The following HSD17B3 variants were observed in gnomAD, a reference collection of about 807,000 sequenced individuals.
HSD17B3 encodes the protein hydroxysteroid 17-beta dehydrogenase 3.
HSD17B3 carries 29 observed loss-of-function variants against 41.1 expected under a neutral mutation model. The ratio of observed to expected loss-of-function variants is 0.71; its 90% confidence interval spans 0.53 to 0.96. The LOEUF (loss-of-function observed/expected upper bound fraction) is 0.96, where lower values mean the gene tolerates loss of function less well. HSD17B3 is among the 40% of genes least tolerant of loss of function. The probability of loss-of-function intolerance (pLI) is 0.00; values close to 1 mark genes in which losing one functional copy is unlikely to be tolerated. For missense variants in HSD17B3, 323 were observed against 374.6 expected (o/e 0.86, Z 1.14); for synonymous variants, 126 against 145.6 (o/e 0.87, Z 0.97).
intron 2 of HSD17B3, among the ~76,000 whole-genome samples, chr9:96,273,759 C>T (rs1826349954): frequency 6.6e-6 from 1 of 152,146 alleles, no homozygotes; most frequent in African/African-American, 2.4e-5. Context: ...TACCAAGACC[C>T]CACAATCTTT....
chr9:96,279,384 ATT>A (rs1164720346), intron 2 of HSD17B3, among the ~76,000 whole-genome samples: 1 of 152,198 alleles, frequency 6.6e-6, no homozygotes, highest in Non-Finnish European at 1.5e-5. Flanking sequence ...TCATAGGTGG[ATT>A]CAAAGATTTC....
Position 96,245,261 on chromosome 9 carries a change from A to G in HSD17B3, c.606+84T>C, listed in dbSNP as rs1214081589. On this transcript the variant is annotated intron_variant, in intron 8 of 10. Transcript: ENST00000375263. ...CATCTCCAGGTAAACCTTTCCATCAACTTGCCAGATGATCAAAGGAAATTG... is the reference window on the plus strand; with the variant it reads ...CATCTCCAGGTAAACCTTTCCATCAGCTTGCCAGATGATCAAAGGAAATTG... 51 of 1,045,650 alleles carry G rather than the reference A, an allele frequency of 4.9e-5. No homozygotes were observed. In the East Asian group the frequency reaches 1.1e-3, roughly 23 times the overall value. 64.8% of individuals were successfully genotyped at this position (1,045,650 alleles called of 1,614,324 possible).
intron 2 of HSD17B3, among the ~76,000 whole-genome samples, chr9:96,281,809 A>G (rs980751546): frequency 2.0e-5 from 3 of 152,176 alleles, no homozygotes; most frequent in Admixed American, 1.3e-4. Context: ...CGTTGCTGCA[A>G]TGGGTGGTTT....
rs10524217 is a variant in HSD17B3, at chr9:96,236,514, C to CATAAATAAATAAATAAATAA, written c.823-964_823-945dup. Among the ~76,000 whole-genome samples, 67 of 137,176 alleles carry CATAAATAAATAAATAAATAA rather than the reference C, an allele frequency of 4.9e-4. 1 individual carries two copies. The highest frequency in any genetic ancestry group is 1.6e-3 in the African/African-American group (56 of 35,888). 90.0% of individuals were successfully genotyped at this position (137,176 alleles called of 152,430 possible). A position where few individuals can be genotyped will look rare whatever the true frequency, so the allele number is the denominator to read the frequency against. On this transcript the variant is annotated intron_variant, in intron 10 of 10. Transcript: ENST00000375263. ...CCTGGGTGACAGAGCGAGAGTCTGT[C>CATAAATAAATAAATAAATAA]ATAAATAAATAAATAAATAAATAAA...
intron 2 of HSD17B3, among the ~76,000 whole-genome samples, chr9:96,279,478 G>A (rs942185943): frequency 8.5e-5 from 13 of 152,112 alleles, no homozygotes; most frequent in African/African-American, 2.7e-4. Context: ...AAGAGATTGT[G>A]GAGACCAAGG....
At chr9:96,273,233 GTAC>G (rs1406860227) in intron 2 of HSD17B3, among the ~76,000 whole-genome samples, 1 of 152,250 alleles carries the variant, frequency 6.6e-6, no homozygotes, top group African/African-American at 2.4e-5. Flanking sequence ...TCTCTCTATA[GTAC>G]TATGAGATCT....
chr9:96,243,941 C>T (rs1836552295), intron 9 of HSD17B3, among the ~76,000 whole-genome samples: 1 of 152,194 alleles, frequency 6.6e-6, no homozygotes, highest in South Asian at 2.1e-4. Flanking sequence ...TTTGCTTCTT[C>T]TCCAGAATTC....
At chr9:96,251,387 G>A (rs1380900762) in intron 5 of HSD17B3, 31 bp downstream of exon 5, 1 of 1,593,644 alleles carries the variant, frequency 6.3e-7, no homozygotes, top group African/African-American at 1.3e-5. Flanking sequence ...CTGGATAAGA[G>A]GAATCTATAC....
At chr9:96,237,225 A>G (rs1024536570) in intron 10 of HSD17B3, among the ~76,000 whole-genome samples, 2 of 152,200 alleles carry the variant, frequency 1.3e-5, no homozygotes, top group African/African-American at 4.8e-5. Flanking sequence ...TTACAATTCC[A>G]GCCCCCTTTA....
At chr9:96,300,741 G>C (rs1290888503) in intron 1 of HSD17B3, among the ~76,000 whole-genome samples, 1 of 152,034 alleles carries the variant, frequency 6.6e-6, no homozygotes, top group Non-Finnish European at 1.5e-5. Context: ...TTCAGTCATA[G>C]GGCTGAAGTT....
intron 2 of HSD17B3, among the ~76,000 whole-genome samples, chr9:96,272,377 C>CTCTCTCTT (rs1826278997): frequency 5.5e-5 from 1 of 18,184 alleles, no homozygotes; most frequent in Non-Finnish European, 1.1e-4. Context: ...GACTGCATCT[C>CTCTCTCTT]TCTCTCTCTC....
rs1196188289 is a variant in HSD17B3, at chr9:96,265,715, C to T, written c.202-10772G>A. Among the ~76,000 whole-genome samples the T allele has an allele frequency of 7.2e-5, 11 of 152,014 alleles. No individual in the cohort carries two copies. The South Asian group carries it at 1.7e-3, about 23-fold the overall frequency. ...AAATAAGTATTACTAGAAATAAAAA[C>T]GAGTTAAAAGGCTAAATTTATCAGG... is the stretch of plus-strand genomic sequence containing the variant. On this transcript the variant is annotated intron_variant, in intron 2 of 10. Transcript: ENST00000375263.
At chr9:96,277,419 G>C (rs145833554) in intron 2 of HSD17B3, among the ~76,000 whole-genome samples, 83 of 152,236 alleles carry the variant, frequency 5.5e-4, no homozygotes, top group African/African-American at 1.9e-3. Flanking sequence ...GATGTAAATA[G>C]ACATTTTTCA....
chr9:96,251,570 G>A (rs987249074), intron 4 of HSD17B3, 85 bp from the exon 5 acceptor site: 67 of 1,259,514 alleles, frequency 5.3e-5, no homozygotes, highest in South Asian at 1.8e-4. Context: ...AGATTGACAT[G>A]TAAGGTTGTT....
chr9:96,246,110 G>T (rs964851963), intron 7 of HSD17B3, among the ~76,000 whole-genome samples: 1 of 152,140 alleles, frequency 6.6e-6, no homozygotes, highest in African/African-American at 2.4e-5. Flanking sequence ...ACTCCCAAAT[G>T]GGCATTGGAA....
intron 2 of HSD17B3, among the ~76,000 whole-genome samples, chr9:96,274,801 G>A (rs1018469333): frequency 1.3e-5 from 2 of 152,042 alleles, no homozygotes; most frequent in Non-Finnish European, 2.9e-5. Flanking sequence ...ATTCCAAAGA[G>A]AACAGAGAAA....
intron 2 of HSD17B3, among the ~76,000 whole-genome samples, chr9:96,277,011 C>T (rs1184572237): frequency 7.2e-5 from 11 of 152,242 alleles, no homozygotes; most frequent in African/African-American, 2.4e-4. Context: ...ACCATCCTGG[C>T]TAACACAGTG....
chr9:96,272,737 T>A (rs1826313890), intron 2 of HSD17B3, among the ~76,000 whole-genome samples: 1 of 151,758 alleles, frequency 6.6e-6, no homozygotes, highest in Admixed American at 6.6e-5. Flanking sequence ...AATAAAGACT[T>A]ATGTTTACAT....
chr9:96,257,598 A>C (rs1164978979), intron 2 of HSD17B3, among the ~76,000 whole-genome samples: 1 of 152,174 alleles, frequency 6.6e-6, no homozygotes, highest in African/African-American at 2.4e-5. Flanking sequence ...TCTAAGAATC[A>C]TATCTATTTC....
Sources: gnomAD v4.1 joint callset for allele counts (sites outside exome capture counted in the v4.1 genomes callset) on GRCh38, gnomAD v4.1.1 for gene constraint, MANE v1.5 for transcripts, NCBI Gene and HGNC (gene_info 2026-07-23, HGNC 2026-07-21) for gene names.